KIAA0825: variants seen among roughly 807,000 people sequenced by gnomAD.
KIAA0825 encodes the protein KIAA0825.
Under a neutral mutation model 147.6 loss-of-function variants are expected in KIAA0825, and 119 were observed. The ratio of observed to expected loss-of-function variants is 0.81; its 90% CI spans 0.69 to 0.94. The LOEUF is 0.94. KIAA0825 is among the 40% of genes least tolerant of loss of function. The pLI is 0.00. For missense variants in KIAA0825, 1,381 were observed against 1,472.7 expected (o/e 0.94, Z 1.02); for synonymous variants, 470 against 518.1 (o/e 0.91, Z 1.26).
intron 16 of KIAA0825, among the ~76,000 whole-genome samples, chr5:94,398,474 C>G (rs1450224437): frequency 6.6e-6 from 1 of 152,136 alleles, no homozygotes. Flanking sequence ...TGCCTTCTGT[C>G]TTCATGGTTC....
intron 20 of KIAA0825, among the ~76,000 whole-genome samples, chr5:94,244,562 C>T (rs1460902689): frequency 6.6e-6 from 1 of 152,108 alleles, no homozygotes; most frequent in Non-Finnish European, 1.5e-5. Context: ...GTCCTGAACT[C>T]CTTGTCTCAA....
intron 1 of KIAA0825, among the ~76,000 whole-genome samples, chr5:94,589,363 T>TAG (rs1381967468): frequency 6.6e-6 from 1 of 152,204 alleles, no homozygotes; most frequent in Non-Finnish European, 1.5e-5. Context: ...TGCAGCAAAG[T>TAG]CTACTATTGT....
intron 1 of KIAA0825, among the ~76,000 whole-genome samples, chr5:94,601,609 A>G (rs1786467158): frequency 6.6e-6 from 1 of 152,228 alleles, no homozygotes. Flanking sequence ...ACTGAGCTAA[A>G]GGAGCATGTC....
intron 20 of KIAA0825, among the ~76,000 whole-genome samples, chr5:94,338,936 T>C (rs952078674): frequency 1.3e-5 from 2 of 152,176 alleles, no homozygotes; most frequent in Admixed American, 1.3e-4. Context: ...CCCATTAATT[T>C]TTAACAGATT....
intron 20 of KIAA0825, among the ~76,000 whole-genome samples, chr5:94,181,987 A>G (rs1344479031): frequency 1.3e-5 from 2 of 151,786 alleles, no homozygotes; most frequent in East Asian, 3.9e-4. Context: ...CTCTTTAATG[A>G]CTCTTCATTA....
chr5:94,462,711 C>G (rs1759986620), intron 11 of KIAA0825, 142 bp from the exon 12 acceptor site: 1 of 470,986 alleles, frequency 2.1e-6, no homozygotes, highest in South Asian at 5.5e-5. Context: ...AGATCTAAAC[C>G]AAAAAGAAAG....
chr5:94,417,344 T>C lies in KIAA0825; in HGVS notation c.2519A>G (p.Asn840Ser). ...KSSKQVSDTENNLNQGPSLME... is the reference protein window; with the variant it reads ...KSSKQVSDTESNLNQGPSLME... Reference sequence around the variant, plus strand: ...CAAGCTGGGTCCTTGGTTCAGGTTATTTTCTGTGTCGGAAACTTGTTCTTG... The same window carrying C: ...CAAGCTGGGTCCTTGGTTCAGGTTACTTTCTGTGTCGGAAACTTGTTCTTG... Residue 840 changes from asparagine to serine, a missense_variant, in exon 15 of 21, where the codon AAT (asparagine) becomes AGT (serine). By Grantham distance (46) the Asn-to-Ser change is conservative. Coordinates refer to ENST00000682413, the MANE Select transcript of KIAA0825 (RefSeq NM_001145678.3). 1 of 1,545,126 alleles carries C rather than the reference T, an allele frequency of 6.5e-7. No homozygotes were observed. Among genetic ancestry groups the C allele is most frequent in the Non-Finnish European group, 8.8e-7 (1 of 1,141,574 alleles).
At chr5:94,262,547 C>A (rs1269432142) in intron 20 of KIAA0825, among the ~76,000 whole-genome samples, 1 of 152,040 alleles carries the variant, frequency 6.6e-6, no homozygotes, top group Non-Finnish European at 1.5e-5. Flanking sequence ...AGTTTGGTTT[C>A]AGTTAAATAA....
At chr5:94,425,524 C>T (rs565476948) in intron 14 of KIAA0825, among the ~76,000 whole-genome samples, 10 of 152,164 alleles carry the variant, frequency 6.6e-5, no homozygotes, top group East Asian at 5.8e-4. Context: ...GGATCACTTG[C>T]GGCCAGGCAT....
chr5:94,441,144 C>A (rs1294656451), intron 13 of KIAA0825, among the ~76,000 whole-genome samples: 2 of 152,040 alleles, frequency 1.3e-5, no homozygotes, highest in Non-Finnish European at 2.9e-5. Flanking sequence ...GTGTGGTAAG[C>A]CATCCAGTGA....
At chr5:94,182,631 G>A (rs1189701848) in intron 20 of KIAA0825, among the ~76,000 whole-genome samples, 1 of 151,802 alleles carries the variant, frequency 6.6e-6, no homozygotes, top group Non-Finnish European at 1.5e-5. Flanking sequence ...CTTCCCCTAA[G>A]CAAGTACTGA....
At chr5:94,376,407 G>C (rs1362941296) in intron 20 of KIAA0825, among the ~76,000 whole-genome samples, 1 of 152,068 alleles carries the variant, frequency 6.6e-6, no homozygotes, top group Non-Finnish European at 1.5e-5. Context: ...TTGTTACATG[G>C]TTGTAGTGAG....
At chr5:94,275,154 C>G (rs566072226) in intron 20 of KIAA0825, among the ~76,000 whole-genome samples, 1 of 152,256 alleles carries the variant, frequency 6.6e-6, no homozygotes, top group African/African-American at 2.4e-5. Context: ...GGAAATGATG[C>G]ACTAGCCTAC....
At chr5:94,539,939 C>T (rs1231482755) in intron 2 of KIAA0825, among the ~76,000 whole-genome samples, 1 of 152,096 alleles carries the variant, frequency 6.6e-6, no homozygotes, top group Non-Finnish European at 1.5e-5. Flanking sequence ...TAGGCATGTA[C>T]AGGATCACAG....
At chr5:94,411,975 C>T (rs1188451856) in intron 15 of KIAA0825, among the ~76,000 whole-genome samples, 2 of 151,348 alleles carry the variant, frequency 1.3e-5, no homozygotes, top group African/African-American at 4.9e-5. Flanking sequence ...AAACTGGACT[C>T]ATCAAAATTA....
intron 2 of KIAA0825, among the ~76,000 whole-genome samples, chr5:94,538,819 A>G (rs1772666329): frequency 6.6e-6 from 1 of 152,202 alleles, no homozygotes; most frequent in South Asian, 2.1e-4. Flanking sequence ...CTGTGTATCT[A>G]TCAGTGGGTA....
At chr5:94,378,993 G>A (rs1747991023) in intron 20 of KIAA0825, among the ~76,000 whole-genome samples, 1 of 151,998 alleles carries the variant, frequency 6.6e-6, no homozygotes, top group African/African-American at 2.4e-5. Context: ...CCTTTTAGAT[G>A]GTGGATATTA....
chr5:94,341,789 A>G (rs1231008394), intron 20 of KIAA0825, among the ~76,000 whole-genome samples: 2 of 152,216 alleles, frequency 1.3e-5, no homozygotes, highest in Non-Finnish European at 2.9e-5. Flanking sequence ...CATTAAACCA[A>G]AATGACAGCT....
rs543136170 is a variant in KIAA0825, at chr5:94,474,174, TG to T, written c.1228-656del. ...ATCTGCACTGTTCTATTGTGGTGGT[TG>T]GGGGGGTACTTGGAAGGGAGTAGAA... On this transcript the variant is annotated intron_variant, in intron 7 of 20. Coordinates refer to ENST00000682413, the MANE Select transcript of KIAA0825 (RefSeq NM_001145678.3). Among the ~76,000 whole-genome samples the T allele has an allele frequency of 2.8e-3, 426 of 152,108 alleles. 3 individuals carry two copies. Among genetic ancestry groups the T allele is most frequent in the African/African-American group, 9.2e-3 (381 of 41,500 alleles).
Sources: allele counts gnomAD v4.1 joint callset (sites outside exome capture counted in the v4.1 genomes callset), GRCh38; gene constraint gnomAD v4.1.1; transcripts MANE v1.5; gene names NCBI Gene and HGNC (gene_info 2026-07-23, HGNC 2026-07-21).